The following MED13 variants were observed in gnomAD, a reference collection of about 807,000 sequenced individuals.
MED13 encodes the protein mediator of RNA polymerase II transcription subunit 13.
MED13 carries 23 observed loss-of-function variants against 225.2 expected under a neutral mutation model. That is an observed-to-expected ratio of 0.10 (90% CI 0.07 to 0.14). The LOEUF (loss-of-function observed/expected upper bound fraction) is 0.14. Ranked by LOEUF, MED13 falls within the 10% of genes least tolerant of loss-of-function variation. The pLI is 1.00. For synonymous variants in MED13, 942 were observed against 889.2 expected, an observed-to-expected ratio of 1.06 and a Z score of -1.06; for missense variants, 2,197 against 2,594.5, an observed-to-expected ratio of 0.85 and a Z score of 3.33.
intron 3 of MED13, among the ~76,000 whole-genome samples, chr17:62,042,451 A>G (rs1216302391): frequency 1.3e-5 from 2 of 150,026 alleles, no homozygotes; most frequent in Non-Finnish European, 3.0e-5. Flanking sequence ...AGTCCCAGCT[A>G]CTCGGGAGGC....
At chr17:61,954,269 A>G (rs1470827650) in intron 26 of MED13, among the ~76,000 whole-genome samples, 2 of 152,254 alleles carry the variant, frequency 1.3e-5, no homozygotes, top group Non-Finnish European at 2.9e-5. Flanking sequence ...GTAGCTCAGA[A>G]TAACAATAAA....
chr17:62,065,137 C>T lies in MED13; in HGVS notation c.66+3G>A, dbSNP rs760848310. The T allele has an allele frequency of 1.9e-6, 3 of 1,566,354 alleles. No homozygotes were observed. Among genetic ancestry groups the T allele is most frequent in the South Asian group, 1.2e-5 (1 of 85,108 alleles). ...CTCGGCGCCCGCCGGCCCCGGCACTCACCAGGCAGAAGAGGTTACAGTGAC... is the reference window on the plus strand; with the variant it reads ...CTCGGCGCCCGCCGGCCCCGGCACTTACCAGGCAGAAGAGGTTACAGTGAC... On this transcript the variant is annotated splice_donor_region_variant and intron_variant, in intron 1 of 29. Transcript: ENST00000397786.
Position 62,052,700 on chromosome 17 carries a change from C to T in MED13, c.307G>A (p.Glu103Lys). ...AGTCCATTCTCCCACACTCCATCTT[C>T]TTCTTCTAAAAGAGAAATGAAGGAA... ...DLIHHDLSEE[E>K]DGVWENGLSY... The change falls in exon 3 of 30, where the codon GAA (glutamate) becomes AAA (lysine). Residue 103 changes from glutamate to lysine, a missense_variant. Physicochemically the swap from Glu to Lys is moderately conservative, Grantham distance 56. Around this residue, in one of 12 missense-constraint regions of MED13, gnomAD observed 884 missense variants for 918.5 expected, o/e 0.96. Coordinates refer to ENST00000397786, the MANE Select transcript of MED13 (RefSeq NM_005121.3). 1 of 1,559,596 alleles carries T rather than the reference C, an allele frequency of 6.4e-7. No homozygotes were observed. Among genetic ancestry groups the T allele is most frequent in the Non-Finnish European group, 8.7e-7 (1 of 1,151,360 alleles).
At chr17:61,964,803 G>C (rs971791039) in intron 20 of MED13, among the ~76,000 whole-genome samples, 1 of 152,054 alleles carries the variant, frequency 6.6e-6, no homozygotes, top group Non-Finnish European at 1.5e-5. Context: ...AGGCGTGGTG[G>C]CACATGCCTG....
At position 62,002,153 on chromosome 17, in the gene MED13, T is replaced by C. The variant is rs548852812; in HGVS notation, c.1968-6788A>G. On this transcript the variant is annotated intron_variant, in intron 9 of 29. Coordinates refer to ENST00000397786, the MANE Select transcript of MED13 (RefSeq NM_005121.3). ...GTTTGATCATATTACATCTTTAAAA[T>C]TGTAAGTGCTTCCAGAAAGAATTTA... Among the ~76,000 whole-genome samples the C allele has an allele frequency of 5.9e-5, 9 of 152,276 alleles. No homozygotes were observed. In the East Asian group the frequency reaches 1.2e-3, roughly 20 times the overall value.
chr17:61,993,448 C>T (rs1051412075), intron 10 of MED13, among the ~76,000 whole-genome samples: 1 of 151,048 alleles, frequency 6.6e-6, no homozygotes, highest in Non-Finnish European at 1.5e-5. Flanking sequence ...GTGATCTGCC[C>T]GCCTCAGCCT....
At position 62,065,223 on chromosome 17, in the gene MED13, G is replaced by T; in HGVS notation, c.-18C>A. 6.7e-7 allele frequency: 1 copy of T among 1,491,470 alleles called. No individual in the cohort carries two copies. Among genetic ancestry groups the T allele is most frequent in the Non-Finnish European group, 9.0e-7 (1 of 1,116,540 alleles). 92.4% of individuals were successfully genotyped at this position (1,491,470 alleles called of 1,614,324 possible). On this transcript the variant is annotated 5_prime_UTR_variant, in exon 1 of 30. Coordinates refer to ENST00000397786, the MANE Select transcript of MED13 (RefSeq NM_005121.3). ...GCACTCATCGTCCCTCACAGCAGCC[G>T]CCGCCGGCGCCACAACCCACCATCC...
chr17:62,006,226 T>C (rs1170568029), intron 9 of MED13: 2 of 129,848 alleles, frequency 1.5e-5, no homozygotes, highest in African/African-American at 3.0e-5. Flanking sequence ...GGGGTTACTT[T>C]GGTCACACTG....
At chr17:62,006,231 A>T (rs1478386716) in intron 9 of MED13, 1 of 134,882 alleles carries the variant, frequency 7.4e-6, no homozygotes, top group Non-Finnish European at 1.6e-5. Context: ...TACTTTGGTC[A>T]CACTGCCTAT....
chr17:61,950,689 T>C (rs1165780011), intron 28 of MED13, 136 bp downstream of exon 28: 10 of 861,634 alleles, frequency 1.2e-5, no homozygotes, highest in Non-Finnish European at 1.5e-5. Context: ...TTCGTGATCT[T>C]GTTTAAAGAG....
intron 8 of MED13, chr17:62,029,274 G>A (rs1313889917): frequency 1.3e-5 from 6 of 468,554 alleles, no homozygotes; most frequent in Admixed American, 3.7e-5. Context: ...ATATACCATA[G>A]CTCCATATAA....
Position 61,965,060 on chromosome 17 carries a change from A to G in MED13, c.4790T>C (p.Ile1597Thr). The change falls in exon 20 of 30, where the codon ATT (isoleucine) becomes ACT (threonine). Residue 1597 changes from isoleucine to threonine, a missense_variant. Physicochemically the swap from Ile to Thr is moderately conservative, Grantham distance 89 (BLOSUM62 -1). Coordinates refer to ENST00000397786, the MANE Select transcript of MED13 (RefSeq NM_005121.3). ...QQTSALQTAG[I>T]SGESSSLPTQ... is the part of the protein sequence containing the mutation. ...GGGAAGTGAAGATGATTCTCCAGAA[A>G]TCCCAGCTGTCTGTAGAGCTGATGT... The G allele has an allele frequency of 6.2e-7, 1 of 1,614,134 alleles. No individual in the cohort carries two copies. Among genetic ancestry groups the G allele is most frequent in the Non-Finnish European group, 8.5e-7 (1 of 1,179,990 alleles).
chr17:62,042,748 A>G (rs2080864394), intron 3 of MED13, among the ~76,000 whole-genome samples: 1 of 152,166 alleles, frequency 6.6e-6, no homozygotes, highest in Non-Finnish European at 1.5e-5. Context: ...ATAGGGGTCC[A>G]TAATCTACCT....
chr17:61,956,666 A>G (rs1188528770), intron 23 of MED13, among the ~76,000 whole-genome samples, 185 bp from the exon 24 acceptor site: 2 of 151,944 alleles, frequency 1.3e-5, no homozygotes, highest in East Asian at 3.9e-4. Flanking sequence ...CAGCCTCATG[A>G]ATAGCTACAA....
rs1374891760 is a variant in MED13 at position 62,024,110 on chromosome 17, C to T, written c.1283+5431G>A. ...TTGGCTCACTGCAACCTCTGCCTTC[C>T]GGGTTCAAGCGATTCTCCTGCCTCA... On this transcript the variant is annotated intron_variant, in intron 8 of 29. Transcript: ENST00000397786. Among the ~76,000 whole-genome samples the T allele has an allele frequency of 3.9e-5, 6 of 152,050 alleles. No homozygotes were observed. The East Asian group carries it at 7.7e-4, about 20-fold the overall frequency.
chr17:61,988,124 C>T (rs546208377), intron 11 of MED13, among the ~76,000 whole-genome samples: 2 of 152,268 alleles, frequency 1.3e-5, no homozygotes, highest in Admixed American at 6.5e-5. Context: ...AGACTTTAAT[C>T]TGAATCCCAG....
In MED13 at chr17:62,060,508, T is replaced by C. The variant is rs184691931; in HGVS notation, c.301+2559A>G. 1.2e-3 allele frequency among the ~76,000 whole-genome samples: 176 copies of C among 150,810 alleles called. 3 individuals are homozygous for C. The East Asian group carries it at 0.034, about 29-fold the overall frequency. ...GGTGGTGGGCGCCTGTAGTCCCAGG[T>C]ACTCAGGAGGCTGAGGTAGTAGGAG... On this transcript the variant is annotated intron_variant, in intron 2 of 29. Transcript: ENST00000397786.
intron 11 of MED13, among the ~76,000 whole-genome samples, chr17:61,991,242 C>G (rs1269108959): frequency 6.6e-6 from 1 of 152,104 alleles, no homozygotes; most frequent in Non-Finnish European, 1.5e-5. Context: ...CCTCAGCCTC[C>G]CAAGTAGCTG....
chr17:62,021,876 C>T (rs2080651288), intron 8 of MED13, among the ~76,000 whole-genome samples: 1 of 152,072 alleles, frequency 6.6e-6, no homozygotes. Context: ...GATTTAAAAT[C>T]CTTCTAAAGC....
Sources: gnomAD v4.1 joint callset for allele counts (sites outside exome capture counted in the v4.1 genomes callset) on GRCh38, gnomAD v4.1.1 for gene constraint, gnomAD v4.1.1 regional missense constraint, MANE v1.5 for transcripts, NCBI Gene and HGNC (gene_info 2026-07-23, HGNC 2026-07-21) for gene names.